GLIS3: variants seen among roughly 807,000 people sequenced by gnomAD.
The protein encoded by GLIS3 is zinc finger protein GLIS3.
A neutral mutation model predicts 78.6 loss-of-function variants in GLIS3; 53 were observed. That is an observed-to-expected ratio of 0.67 (90% CI 0.54 to 0.85). The LOEUF (loss-of-function observed/expected upper bound fraction) is 0.85, where lower values mean the gene tolerates loss of function less well. GLIS3 is among the 40% of genes least tolerant of loss of function. The probability of loss-of-function intolerance (pLI) is 0.00; values close to 1 mark genes in which losing one functional copy is unlikely to be tolerated. For missense variants in GLIS3, 1,703 were observed against 1,231.1 expected, an observed-to-expected ratio of 1.38 and a Z score of -5.74; for synonymous variants, 684 against 509.9, an observed-to-expected ratio of 1.34 and a Z score of -4.60.
rs1825946256 is a variant in GLIS3, at chr9:3,937,173, T to C, written c.1727A>G (p.Lys576Arg). 6.2e-7 allele frequency: 1 copy of C among 1,614,172 alleles called. No individual in the cohort carries two copies. Among genetic ancestry groups the C allele is most frequent in the Non-Finnish European group, 8.5e-7 (1 of 1,180,022 alleles). The change falls in exon 5 of 11, where the codon AAG becomes AGG. Residue 576 changes from lysine to arginine, a missense_variant. Transcript: ENST00000381971. Reference sequence around the variant, plus strand: ...GAGATTTTCAAGCCTTGAAAAGGCCTTCTCGCAACCTTCAAACTGCAAAAA... The same window carrying C: ...GAGATTTTCAAGCCTTGAAAAGGCCCTCTCGCAACCTTCAAACTGCAAAAA... Reference protein sequence around the residue: ...PNKCTFEGCEKAFSRLENLKI... With the variant: ...PNKCTFEGCERAFSRLENLKI...
intron 4 of GLIS3, among the ~76,000 whole-genome samples, chr9:4,044,771 A>G (rs1237657904): frequency 6.6e-6 from 1 of 152,212 alleles, no homozygotes; most frequent in Non-Finnish European, 1.5e-5. Flanking sequence ...TTGAAAAGAA[A>G]AGCAAAAACC....
Position 4,276,308 on chromosome 9 carries a change from A to C in GLIS3, c.388+9730T>G, listed in dbSNP as rs1369541866. On this transcript the variant is annotated intron_variant, in intron 2 of 10. Transcript: ENST00000381971. ...AAATGAGAATAGAGGAGAAGAGAAG[A>C]AAATGGAGGGGAGGGGAGGGGAGGA... Among the ~76,000 whole-genome samples the C allele has an allele frequency of 4.4e-5, 6 of 135,990 alleles. No individual in the cohort carries two copies. In the East Asian group the frequency reaches 1.3e-3, roughly 29 times the overall value. 89.2% of individuals were successfully genotyped at this position (135,990 alleles called of 152,430 possible).
Position 4,054,486 on chromosome 9 carries a change from C to T in GLIS3, c.1710+63282G>A, listed in dbSNP as rs16920517. 9,618 of 985,244 alleles carry T rather than the reference C, an allele frequency of 9.8e-3. 419 individuals are homozygous for T. In the African/African-American group the frequency reaches 0.12, roughly 12 times the overall value. 61.0% of individuals were successfully genotyped at this position (985,244 alleles called of 1,614,324 possible). A position where few individuals can be genotyped will look rare whatever the true frequency, so the allele number is the denominator to read the frequency against. On this transcript the variant is annotated intron_variant, in intron 4 of 10. Transcript: ENST00000381971. ...GAGTGAATTCTTCAGTCAGGGCCTA[C>T]GGGTTCTGCAGGTACAGAAATGGCA...
chr9:4,041,061 C>G (rs1046772670), intron 4 of GLIS3, among the ~76,000 whole-genome samples: 2 of 152,200 alleles, frequency 1.3e-5, no homozygotes, highest in Non-Finnish European at 2.9e-5. Context: ...TGAGTACCAT[C>G]AAGAAGGTGT....
intron 2 of GLIS3, among the ~76,000 whole-genome samples, chr9:4,238,110 G>C (rs1226617786): frequency 6.6e-6 from 1 of 152,114 alleles, no homozygotes; most frequent in Non-Finnish European, 1.5e-5. Flanking sequence ...TAAGCCTTTA[G>C]GACCACTCCG....
intron 4 of GLIS3, among the ~76,000 whole-genome samples, chr9:4,102,703 T>C (rs951551670): frequency 2.0e-5 from 3 of 152,136 alleles, no homozygotes; most frequent in Admixed American, 1.3e-4. Context: ...CTAGAGAATA[T>C]AAATATTATA....
intron 2 of GLIS3, among the ~76,000 whole-genome samples, chr9:4,323,241 C>G (rs181831051): frequency 6.6e-6 from 1 of 152,118 alleles, no homozygotes; most frequent in Admixed American, 6.6e-5. Flanking sequence ...TGATATCAAA[C>G]TATACTACAA....
chr9:4,452,581 A>G, the GLIS3 span, among the ~76,000 whole-genome samples: 1 of 152,214 alleles, frequency 6.6e-6, no homozygotes, highest in Non-Finnish European at 1.5e-5. Flanking sequence ...TGCTACAAAG[A>G]GGACAAAATA....
At chr9:3,849,770 A>G (rs1470663269) in intron 9 of GLIS3, among the ~76,000 whole-genome samples, 1 of 152,122 alleles carries the variant, frequency 6.6e-6, no homozygotes, top group Non-Finnish European at 1.5e-5. Context: ...TTAGCCAGGC[A>G]TGGTGGTATG....
intron 2 of GLIS3, among the ~76,000 whole-genome samples, chr9:4,341,107 C>A (rs73641437): frequency 0.029 from 4,403 of 152,288 alleles, 216 homozygotes; most frequent in African/African-American, 0.097. Flanking sequence ...CAATGGTATG[C>A]TTAGAACTTA....
At chr9:4,437,862 A>AAT in the GLIS3 span, among the ~76,000 whole-genome samples, 94 of 152,334 alleles carry the variant, frequency 6.2e-4, no homozygotes, top group South Asian at 1.4e-3. Context: ...TTTTCTTAAT[A>AAT]ATATTTTCTT....
chr9:4,025,398 T>G (rs1823246044), intron 4 of GLIS3, among the ~76,000 whole-genome samples: 1 of 152,150 alleles, frequency 6.6e-6, no homozygotes, highest in Non-Finnish European at 1.5e-5. Flanking sequence ...GTTTGCTTGT[T>G]TGTTTTTTGA....
At chr9:4,437,468 C>CTATCTATA in the GLIS3 span, among the ~76,000 whole-genome samples, 4 of 105,012 alleles carry the variant, frequency 3.8e-5, no homozygotes, top group East Asian at 7.6e-4. Flanking sequence ...ATCTATCTAT[C>CTATCTATA]TATATATCAT....
At chr9:4,368,121 A>C in the GLIS3 span, among the ~76,000 whole-genome samples, 1 of 152,222 alleles carries the variant, frequency 6.6e-6, no homozygotes, top group African/African-American at 2.4e-5. Flanking sequence ...ATTCTCAAAT[A>C]ATGAATAATC....
intron 2 of GLIS3, among the ~76,000 whole-genome samples, chr9:4,202,006 G>A (rs1255421900): frequency 6.6e-6 from 1 of 152,014 alleles, no homozygotes; most frequent in Non-Finnish European, 1.5e-5. Context: ...AGGTGTGGTG[G>A]CACGCACCTG....
intron 2 of GLIS3, among the ~76,000 whole-genome samples, chr9:4,264,262 C>A (rs1825784954): frequency 1.3e-5 from 2 of 152,132 alleles, no homozygotes; most frequent in Middle Eastern, 3.2e-3. Flanking sequence ...TCAGCAAGTC[C>A]CATTGGCTCT....
chr9:4,455,194 G>A, the GLIS3 span, among the ~76,000 whole-genome samples: 6 of 152,106 alleles, frequency 3.9e-5, no homozygotes, highest in African/African-American at 1.4e-4. Flanking sequence ...CTTTCACATC[G>A]GTGAGTCCAT....
At chr9:4,054,550 C>G (rs919379061) in intron 4 of GLIS3, 1 of 941,354 alleles carries the variant, frequency 1.1e-6, no homozygotes, top group Non-Finnish European at 1.3e-6. Context: ...CTGATCAGTG[C>G]GGAGCAGGTC....
intron 4 of GLIS3, among the ~76,000 whole-genome samples, chr9:3,975,808 G>C (rs751783276): frequency 5.9e-5 from 9 of 151,950 alleles, no homozygotes; most frequent in African/African-American, 9.7e-5. Flanking sequence ...AAAACATCAA[G>C]AAATTCAAAA....
Sources: gnomAD v4.1 joint callset for allele counts (sites outside exome capture counted in the v4.1 genomes callset) on GRCh38, gnomAD v4.1.1 for gene constraint, MANE v1.5 for transcripts, NCBI Gene and HGNC (gene_info 2026-07-23, HGNC 2026-07-21) for gene names.